The following EGF variants were observed in gnomAD, a reference collection of about 807,000 sequenced individuals.
EGF encodes the protein epidermal growth factor, also known as pro-epidermal growth factor.
Under a neutral mutation model 143.8 loss-of-function variants are expected in EGF, and 95 were observed. That is an observed-to-expected ratio of 0.66 (90% confidence interval 0.56 to 0.78). EGF has a LOEUF of 0.78. Among genes scored for constraint, EGF ranks in the 30% least tolerant of loss-of-function variants. EGF has a pLI of 0.00. For missense variants in EGF, 1,320 were observed against 1,470.9 expected, an observed-to-expected ratio of 0.90 and a Z score of 1.68; for synonymous variants, 510 against 510.5, an observed-to-expected ratio of 1.00 and a Z score of 0.01.
intron 1 of EGF, among the ~76,000 whole-genome samples, chr4:109,921,873 A>G (rs1176863508): frequency 6.6e-6 from 1 of 151,596 alleles, no homozygotes; most frequent in Non-Finnish European, 1.5e-5. Flanking sequence ...TCTTGTATAA[A>G]CAGGTCAAAA....
rs191383429 is a variant in EGF at position 109,924,246 on chromosome 4, T to G, written c.127+10784T>G. Among the ~76,000 whole-genome samples the G allele has an allele frequency of 1.6e-3, 248 of 151,708 alleles. 14 individuals are homozygous for G. Among genetic ancestry groups the G allele is most frequent in the African/African-American group, 5.7e-3 (235 of 41,000 alleles). On this transcript the variant is annotated intron_variant, in intron 1 of 23. Transcript: ENST00000265171. ...TATAGCTCAGGACCCTAGACTCTTA[T>G]TCTGTGAAATTTACAATGCACATGA... is the stretch of plus-strand genomic sequence containing the variant.
rs115524815 is a variant in EGF, at chr4:109,968,145, G to A, written c.1576-826G>A. ...GTCACTAGGTGATAGAAATTTTTCAGTTCCATTATCATCTTACGGAATCAC... is the reference window on the plus strand; with the variant it reads ...GTCACTAGGTGATAGAAATTTTTCAATTCCATTATCATCTTACGGAATCAC... On this transcript the variant is annotated intron_variant, in intron 10 of 23. Coordinates refer to ENST00000265171, the MANE Select transcript of EGF (RefSeq NM_001963.6). Among the ~76,000 whole-genome samples, 894 of 152,250 alleles carry A rather than the reference G, an allele frequency of 5.9e-3. 15 individuals carry two copies. Among genetic ancestry groups the A allele is most frequent in the African/African-American group, 0.02 (838 of 41,554 alleles).
chr4:109,981,150 C>T (rs1353418402), intron 15 of EGF, among the ~76,000 whole-genome samples, 175 bp downstream of exon 15: 1 of 152,082 alleles, frequency 6.6e-6, no homozygotes, highest in Non-Finnish European at 1.5e-5. Flanking sequence ...TTTTGAGTTC[C>T]TTATTACAGG....
At chr4:109,944,491 CTT>C (rs1383275206) in intron 4 of EGF, among the ~76,000 whole-genome samples, 7 of 152,218 alleles carry the variant, frequency 4.6e-5, no homozygotes, top group Non-Finnish European at 8.8e-5. Context: ...AGATGAGTGA[CTT>C]TGAGTAGGTT....
intron 23 of EGF, among the ~76,000 whole-genome samples, chr4:110,010,397 G>A (rs915798834): frequency 1.4e-5 from 2 of 144,040 alleles, no homozygotes; most frequent in Admixed American, 1.4e-4. Context: ...CCTCAACCAA[G>A]ACTATTGTAA....
intron 17 of EGF, 61 bp downstream of exon 17, chr4:109,987,921 C>A: frequency 1.6e-6 from 2 of 1,272,292 alleles, no homozygotes; most frequent in Non-Finnish European, 2.3e-6. Flanking sequence ...ATTTTTTCTG[C>A]TCTTTCTGAC....
At chr4:109,979,913 C>T (rs1357606482) in intron 13 of EGF, 59 bp from the exon 14 acceptor site, 18 of 1,595,808 alleles carry the variant, frequency 1.1e-5, no homozygotes, top group Non-Finnish European at 1.3e-5. Context: ...CTTGTCCTTT[C>T]GTAAATAGTC....
chr4:109,955,416 T>G (rs1744635347), intron 5 of EGF, among the ~76,000 whole-genome samples: 1 of 152,134 alleles, frequency 6.6e-6, no homozygotes, highest in Non-Finnish European at 1.5e-5. Flanking sequence ...ATTAAGGAGA[T>G]TAAAGAAAAT....
chr4:109,993,660 T>C (rs1751359041), intron 19 of EGF, among the ~76,000 whole-genome samples: 1 of 152,022 alleles, frequency 6.6e-6, no homozygotes, highest in Non-Finnish European at 1.5e-5. Flanking sequence ...GTAATGTCAA[T>C]TTGTGGGGCT....
chr4:110,010,491 C>T (rs1244526306), intron 23 of EGF, among the ~76,000 whole-genome samples: 1 of 152,144 alleles, frequency 6.6e-6, no homozygotes, highest in Non-Finnish European at 1.5e-5. Flanking sequence ...TACTCTGTCA[C>T]TCAGGCTAAA....
chr4:109,938,934 G>T (rs1418133790), intron 1 of EGF, among the ~76,000 whole-genome samples: 1 of 152,126 alleles, frequency 6.6e-6, no homozygotes, highest in African/African-American at 2.4e-5. Context: ...GTGTCTGTTG[G>T]CCCCTACTAG....
chr4:109,993,429 C>G, intron 19 of EGF, 60 bp downstream of exon 19: 1 of 1,604,082 alleles, frequency 6.2e-7, no homozygotes, highest in Non-Finnish European at 8.5e-7. Flanking sequence ...TATTCTATAC[C>G]CTAATCTCTA....
chr4:109,941,223 TA>T, intron 2 of EGF, 78 bp downstream of exon 2: 1 of 1,322,880 alleles, frequency 7.6e-7, no homozygotes, highest in Non-Finnish European at 1.1e-6. Context: ...TCTTAATGTA[TA>T]GATAAATGAA....
Position 109,980,851 on chromosome 4 carries a change from C to T in EGF, c.2247C>T (p.Asn749=), listed in dbSNP as rs778357456. The change falls in exon 15 of 24, where the codon AAC becomes AAT. Residue 749 remains asparagine, a synonymous_variant. Transcript: ENST00000265171. ...GAGCAGATCCCTGCTTATATCAAAACGGAGGCTGTGAACATATTTGCAAAA... is the reference window on the plus strand; with the variant it reads ...GAGCAGATCCCTGCTTATATCAAAATGGAGGCTGTGAACATATTTGCAAAA... ...KPGADPCLYQ[N]GGCEHICKKR... is the part of the protein sequence containing the mutation. 2.4e-5 allele frequency: 38 copies of T among 1,613,924 alleles called. No individual in the cohort carries two copies. Among genetic ancestry groups the T allele is most frequent in the African/African-American group, 4.0e-5 (3 of 74,886 alleles).
chr4:109,945,892 G>A (rs1742773700), intron 5 of EGF, among the ~76,000 whole-genome samples: 1 of 152,184 alleles, frequency 6.6e-6, no homozygotes, highest in South Asian at 2.1e-4. Context: ...GTCTTCAGTG[G>A]TTAACTTTTG....
chr4:109,945,954 C>A (rs767241071), intron 5 of EGF, among the ~76,000 whole-genome samples: 2 of 152,132 alleles, frequency 1.3e-5, no homozygotes, highest in African/African-American at 2.4e-5. Context: ...CTATGTCTTG[C>A]GTTTAGGCAA....
chr4:109,972,952 C>T (rs1747892434), intron 11 of EGF, among the ~76,000 whole-genome samples: 1 of 152,172 alleles, frequency 6.6e-6, no homozygotes, highest in Admixed American at 6.5e-5. Context: ...TTGTTTCATG[C>T]AGACATTGCC....
Position 109,974,708 on chromosome 4 carries a change from C to T in EGF, c.1730C>T (p.Ser577Phe). 2 of 1,611,916 alleles carry T rather than the reference C, an allele frequency of 1.2e-6. No individual in the cohort carries two copies. Among genetic ancestry groups the T allele is most frequent in the Non-Finnish European group, 1.7e-6 (2 of 1,178,206 alleles). ...TTATTTTGCACATATTTTAGGAAATCTCTGATTGGAAGGAGTGATTTAAAT... is the reference window on the plus strand; with the variant it reads ...TTATTTTGCACATATTTTAGGAAATTTCTGATTGGAAGGAGTGATTTAAAT... ...RRFYWTDRGKSLIGRSDLNGK... is the reference protein window; with the variant it reads ...RRFYWTDRGKFLIGRSDLNGK... The change falls in exon 12 of 24, where the codon TCT becomes TTT. Residue 577 changes from serine (S) to phenylalanine (F), a missense_variant. Ser to Phe is a radical substitution (Grantham distance 155). This residue lies in a region of EGF where 1,186 missense variants were observed against 1,313.7 expected (regional missense o/e 0.90). Coordinates refer to ENST00000265171, the MANE Select transcript of EGF (RefSeq NM_001963.6).
At position 109,988,740 on chromosome 4, in the gene EGF, C is replaced by T. The variant is rs767490807; in HGVS notation, c.2734+31C>T. 1.2e-5 allele frequency: 19 copies of T among 1,612,932 alleles called. No individual in the cohort carries two copies. In the South Asian group the frequency reaches 2.0e-4, roughly 17 times the overall value. Reference sequence around the variant, plus strand: ...AGGACACATGTGCTGGGGAGGAGGGCAGAGGCAGGCCTCAGAAATCGGGAA... The same window carrying T: ...AGGACACATGTGCTGGGGAGGAGGGTAGAGGCAGGCCTCAGAAATCGGGAA... On this transcript the variant is annotated intron_variant, in intron 18 of 23. Transcript: ENST00000265171.
Sources: allele counts gnomAD v4.1 joint callset (sites outside exome capture counted in the v4.1 genomes callset), GRCh38; gene constraint gnomAD v4.1.1; regional missense constraint gnomAD v4.1.1; transcripts MANE v1.5; gene names NCBI Gene and HGNC (gene_info 2026-07-23, HGNC 2026-07-21).